The following DSCAML1 variants were observed in gnomAD, a reference collection of about 807,000 sequenced individuals.
DSCAML1 encodes cell adhesion molecule DSCAML1.
In DSCAML1, 38 loss-of-function variants were observed where a neutral mutation model predicts 200.5. The ratio of observed to expected loss-of-function variants is 0.19; its 90% confidence interval spans 0.15 to 0.25. DSCAML1 has a LOEUF of 0.25. Ranked by LOEUF, DSCAML1 falls within the 10% of genes least tolerant of loss-of-function variation. The probability of loss-of-function intolerance (pLI) is 1.00; values close to 1 mark genes in which losing one functional copy is unlikely to be tolerated. For synonymous variants in DSCAML1, 1,215 were observed against 1,165.0 expected (o/e 1.04, Z -0.87); for missense variants, 2,223 against 2,858.8 (o/e 0.78, Z 5.07).
intron 3 of DSCAML1, among the ~76,000 whole-genome samples, chr11:117,624,067 A>T (rs778710961): frequency 5.3e-5 from 8 of 152,234 alleles, no homozygotes; most frequent in Admixed American, 1.3e-4. Context: ...GTGCAGGAGG[A>T]GCAGTGAAAA....
At chr11:117,693,828 T>A (rs1460957575) in intron 3 of DSCAML1, among the ~76,000 whole-genome samples, 1 of 152,126 alleles carries the variant, frequency 6.6e-6, no homozygotes, top group East Asian at 1.9e-4. Context: ...TTTCTCAGCC[T>A]AGCCCACAAG....
At chr11:117,560,195 A>G (rs2050635898) in intron 3 of DSCAML1, among the ~76,000 whole-genome samples, 1 of 152,148 alleles carries the variant, frequency 6.6e-6, no homozygotes, top group African/African-American at 2.4e-5. Context: ...GATGGAAATA[A>G]TAATAGCTCT....
chr11:117,488,782 A>T (rs1037261066), intron 11 of DSCAML1, among the ~76,000 whole-genome samples: 2 of 152,086 alleles, frequency 1.3e-5, no homozygotes, highest in Admixed American at 1.3e-4. Context: ...CCACACACAC[A>T]CTTGTATAGT....
At chr11:117,809,220 G>A (rs78961999) in intron 1 of DSCAML1, among the ~76,000 whole-genome samples, 5,695 of 152,356 alleles carry the variant, frequency 0.037, 281 homozygotes, top group African/African-American at 0.11. Flanking sequence ...ATTTGGCGAA[G>A]GGGCTCAGTG....
chr11:117,534,905 ATAGT>A (rs1056738471), intron 3 of DSCAML1, among the ~76,000 whole-genome samples: 3 of 152,186 alleles, frequency 2.0e-5, no homozygotes, highest in East Asian at 1.9e-4. Context: ...TTATTTTTTA[ATAGT>A]TATTTATTTA....
chr11:117,532,549 G>C, intron 3 of DSCAML1, 27 bp from the exon 4 acceptor site: 1 of 1,603,906 alleles, frequency 6.2e-7, no homozygotes, highest in Non-Finnish European at 8.5e-7. Flanking sequence ...GACATAGTTC[G>C]TTACTTCCCG....
intron 3 of DSCAML1, among the ~76,000 whole-genome samples, chr11:117,542,321 AC>A (rs2050284821): frequency 9.7e-6 from 1 of 103,466 alleles, no homozygotes; most frequent in Non-Finnish European, 2.1e-5. Context: ...ACAAAACAAA[AC>A]AAAACACAAA....
intron 3 of DSCAML1, among the ~76,000 whole-genome samples, chr11:117,725,727 A>G (rs2054115460): frequency 6.6e-6 from 1 of 152,196 alleles, no homozygotes; most frequent in Admixed American, 6.5e-5. Flanking sequence ...CCTGAACCCC[A>G]TCTTCCAGGG....
chr11:117,530,691 G>A (rs2050062000), intron 4 of DSCAML1, among the ~76,000 whole-genome samples: 2 of 152,140 alleles, frequency 1.3e-5, no homozygotes, highest in Admixed American at 1.3e-4. Context: ...ACAGACAAGT[G>A]GAAGTGGTCC....
chr11:117,497,256 C>T (rs768918480), intron 11 of DSCAML1, among the ~76,000 whole-genome samples: 6 of 152,118 alleles, frequency 3.9e-5, no homozygotes, highest in East Asian at 1.9e-4. Context: ...CAGGGCATAG[C>T]GAGGAGCACT....
intron 1 of DSCAML1, among the ~76,000 whole-genome samples, chr11:117,811,497 C>T (rs1445629364): frequency 1.3e-5 from 2 of 152,248 alleles, no homozygotes; most frequent in Admixed American, 6.5e-5. Flanking sequence ...AACTTCCAAA[C>T]GCCTGAACTG....
At chr11:117,514,473 C>G (rs1411955793) in intron 8 of DSCAML1, among the ~76,000 whole-genome samples, 1 of 151,536 alleles carries the variant, frequency 6.6e-6, no homozygotes, top group Non-Finnish European at 1.5e-5. Context: ...TTCCCTGGCT[C>G]GGGGCCATTC....
chr11:117,701,266 A>AAAATAAAT (rs60286619), intron 3 of DSCAML1, among the ~76,000 whole-genome samples: 70 of 150,952 alleles, frequency 4.6e-4, no homozygotes, highest in Non-Finnish European at 7.2e-4. Context: ...ACTCCATCTC[A>AAAATAAAT]AAATAAATAA....
intron 3 of DSCAML1, among the ~76,000 whole-genome samples, chr11:117,592,394 C>T (rs1437969742): frequency 6.6e-6 from 1 of 151,958 alleles, no homozygotes; most frequent in Non-Finnish European, 1.5e-5. Flanking sequence ...CATCTGTGTC[C>T]GTGTGTGTGT....
intron 3 of DSCAML1, among the ~76,000 whole-genome samples, chr11:117,717,731 G>C (rs1163872742): frequency 6.6e-6 from 1 of 152,170 alleles, no homozygotes; most frequent in African/African-American, 2.4e-5. Context: ...ACAATGCCAA[G>C]CCCAGTGCCT....
At chr11:117,477,894 C>T (rs1033292790) in intron 14 of DSCAML1, among the ~76,000 whole-genome samples, 1 of 152,314 alleles carries the variant, frequency 6.6e-6, no homozygotes, top group East Asian at 1.9e-4. Flanking sequence ...GGACCGGCTG[C>T]CTTCTCAGTG....
At chr11:117,711,238 G>A (rs2053843529) in intron 3 of DSCAML1, among the ~76,000 whole-genome samples, 1 of 152,128 alleles carries the variant, frequency 6.6e-6, no homozygotes, top group South Asian at 2.1e-4. Context: ...GGTTGTTGTG[G>A]CCCAGCTTTT....
chr11:117,493,316 CTCT>C (rs1188682001), intron 11 of DSCAML1, among the ~76,000 whole-genome samples: 1 of 138,998 alleles, frequency 7.2e-6, no homozygotes, highest in Non-Finnish European at 1.5e-5. Context: ...GCCTCTGGTC[CTCT>C]TCTTTTTTTT....
intron 3 of DSCAML1, among the ~76,000 whole-genome samples, chr11:117,687,485 C>CAA (rs2053423406): frequency 1.4e-5 from 2 of 140,906 alleles, no homozygotes; most frequent in Admixed American, 7.6e-5. Flanking sequence ...AGGCTGGTCT[C>CAA]AAACTCCTGG....
Sources: gnomAD v4.1 joint callset for allele counts (sites outside exome capture counted in the v4.1 genomes callset) on GRCh38, gnomAD v4.1.1 for gene constraint, MANE v1.5 for transcripts, NCBI Gene and HGNC (gene_info 2026-07-23, HGNC 2026-07-21) for gene names.